The following TM9SF2 variants were observed in gnomAD, a reference collection of about 807,000 sequenced individuals.
The protein encoded by TM9SF2 is transmembrane 9 superfamily member 2.
A neutral mutation model predicts 84.9 loss-of-function variants in TM9SF2; 13 were observed. The ratio of observed to expected loss-of-function variants is 0.15; its 90% confidence interval spans 0.10 to 0.24. TM9SF2 has a LOEUF of 0.24. TM9SF2 is among the 10% of genes least tolerant of loss of function. The pLI is 1.00. For synonymous variants in TM9SF2, 273 were observed against 285.8 expected, an observed-to-expected ratio of 0.96 and a Z score of 0.45; for missense variants, 562 against 818.5, an observed-to-expected ratio of 0.69 and a Z score of 3.82.
intron 16 of TM9SF2, among the ~76,000 whole-genome samples, chr13:99,561,730 G>T (rs975057424): frequency 6.6e-6 from 1 of 152,170 alleles, no homozygotes; most frequent in African/African-American, 2.4e-5. Context: ...AAACAATGGT[G>T]AAAACTATTG....
At chr13:99,529,807 G>A (rs575638733) in intron 4 of TM9SF2, among the ~76,000 whole-genome samples, 40 of 152,194 alleles carry the variant, frequency 2.6e-4, no homozygotes, top group African/African-American at 8.9e-4. Flanking sequence ...TTAGATTACT[G>A]TAATATCTGG....
At chr13:99,551,311 T>C (rs1305858122) in intron 12 of TM9SF2, among the ~76,000 whole-genome samples, 1 of 152,216 alleles carries the variant, frequency 6.6e-6, no homozygotes, top group Non-Finnish European at 1.5e-5. Flanking sequence ...GGATGGAGAA[T>C]ACAGAAGCAG....
intron 5 of TM9SF2, among the ~76,000 whole-genome samples, chr13:99,537,188 T>C (rs1006447710): frequency 1.3e-5 from 2 of 152,156 alleles, no homozygotes; most frequent in African/African-American, 4.8e-5. Context: ...CTATAGAAGG[T>C]AATTAGAACT....
chr13:99,513,806 G>A (rs80244012), intron 1 of TM9SF2, among the ~76,000 whole-genome samples: 14,892 of 152,190 alleles, frequency 0.098, 872 homozygotes, highest in East Asian at 0.21. Context: ...TATCAGTGCC[G>A]TAAGTGAAAG....
chr13:99,547,816 C>T (rs142181054), intron 11 of TM9SF2, among the ~76,000 whole-genome samples: 143 of 152,254 alleles, frequency 9.4e-4, no homozygotes, highest in Non-Finnish European at 1.7e-3. Flanking sequence ...TGATTCCCCA[C>T]GGTCTAGCAA....
chr13:99,529,667 A>G, intron 4 of TM9SF2, 73 bp downstream of exon 4: 1 of 1,364,250 alleles, frequency 7.3e-7, no homozygotes, highest in Middle Eastern at 2.4e-4. Flanking sequence ...GACTATATAA[A>G]TTACTTGATT....
Position 99,543,545 on chromosome 13 carries a change from C to T in TM9SF2, c.1018-318C>T, listed in dbSNP as rs977628650. ...AAGAGGATAGAATGTGACTAAAAATCGTCATCAAGTCAGATCACAAAGCTT... is the reference window on the plus strand; with the variant it reads ...AAGAGGATAGAATGTGACTAAAAATTGTCATCAAGTCAGATCACAAAGCTT... On this transcript the variant is annotated intron_variant, in intron 9 of 16. Coordinates refer to ENST00000376387, the MANE Select transcript of TM9SF2 (RefSeq NM_004800.3). Among the ~76,000 whole-genome samples the T allele has an allele frequency of 3.3e-5, 5 of 152,150 alleles. No individual in the cohort carries two copies. In the East Asian group the frequency reaches 5.8e-4, roughly 18 times the overall value.
At chr13:99,562,025 A>G (rs916423327) in intron 16 of TM9SF2, among the ~76,000 whole-genome samples, 8 of 152,210 alleles carry the variant, frequency 5.3e-5, no homozygotes, top group Non-Finnish European at 1.0e-4. Flanking sequence ...ATAATAGTCT[A>G]TGGAGGCAAT....
intron 4 of TM9SF2, among the ~76,000 whole-genome samples, chr13:99,532,329 T>C (rs1234265495): frequency 6.6e-6 from 1 of 151,974 alleles, no homozygotes; most frequent in Non-Finnish European, 1.5e-5. Flanking sequence ...GGATTACAAG[T>C]GTGAGCCACC....
At chr13:99,515,426 A>G (rs1465980141) in intron 1 of TM9SF2, among the ~76,000 whole-genome samples, 1 of 152,234 alleles carries the variant, frequency 6.6e-6, no homozygotes. Context: ...CTACAATATC[A>G]TGTCCTATTA....
chr13:99,531,944 C>G (rs1308267867), intron 4 of TM9SF2, among the ~76,000 whole-genome samples: 1 of 152,048 alleles, frequency 6.6e-6, no homozygotes, highest in African/African-American at 2.4e-5. Flanking sequence ...ATATTTAAGC[C>G]TCAGTTCTTA....
rs114497074 is a variant in TM9SF2 at position 99,533,785 on chromosome 13, C to T, written c.462-2823C>T. ...GTGATTCTCCTGCCTCTGCCTCCACCTCCGCCTCCTGAGTAGCTGGGACTG... is the reference window on the plus strand; with the variant it reads ...GTGATTCTCCTGCCTCTGCCTCCACTTCCGCCTCCTGAGTAGCTGGGACTG... On this transcript the variant is annotated intron_variant, in intron 4 of 16. Transcript: ENST00000376387. 5.5e-3 allele frequency among the ~76,000 whole-genome samples: 841 copies of T among 152,238 alleles called. 12 individuals are homozygous for T. The highest frequency in any genetic ancestry group is 0.019 in the African/African-American group (796 of 41,540).
intron 12 of TM9SF2, among the ~76,000 whole-genome samples, chr13:99,549,997 A>G (rs1032368587): frequency 9.2e-5 from 14 of 152,128 alleles, no homozygotes; most frequent in South Asian, 2.1e-4. Context: ...TCAAATTTCT[A>G]TGCTTTTCTC....
chr13:99,535,670 G>A (rs528294652), intron 4 of TM9SF2, among the ~76,000 whole-genome samples: 88 of 152,268 alleles, frequency 5.8e-4, no homozygotes, highest in African/African-American at 1.9e-3. Context: ...TACACCTTGG[G>A]TGAATATAGA....
chr13:99,547,128 G>A, intron 11 of TM9SF2, 24 bp downstream of exon 11: 1 of 1,613,252 alleles, frequency 6.2e-7, no homozygotes, highest in Non-Finnish European at 8.5e-7. Context: ...ACTGTGACTG[G>A]CGTCTGATCA....
At chr13:99,516,254 T>C (rs2046134075) in intron 1 of TM9SF2, among the ~76,000 whole-genome samples, 1 of 152,198 alleles carries the variant, frequency 6.6e-6, no homozygotes, top group East Asian at 1.9e-4. Flanking sequence ...TTTGTTTTGA[T>C]TGTACACCAA....
At chr13:99,540,259 C>G (rs1373054742) in intron 7 of TM9SF2, among the ~76,000 whole-genome samples, 1 of 151,940 alleles carries the variant, frequency 6.6e-6, no homozygotes, top group Non-Finnish European at 1.5e-5. Context: ...TATAATGTTT[C>G]ATTTTGCAAA....
intron 1 of TM9SF2, among the ~76,000 whole-genome samples, chr13:99,508,445 C>CACACA (rs1566562106): frequency 7.9e-4 from 79 of 99,674 alleles, no homozygotes; most frequent in African/African-American, 3.0e-3. Flanking sequence ...ACACACACAC[C>CACACA]CCAGAGATTC....
intron 3 of TM9SF2, among the ~76,000 whole-genome samples, chr13:99,527,519 A>G (rs2046189015): frequency 6.6e-6 from 1 of 152,142 alleles, no homozygotes; most frequent in Admixed American, 6.5e-5. Context: ...GCCCCCCATG[A>G]TCTAATCACC....
Sources: allele counts gnomAD v4.1 joint callset (sites outside exome capture counted in the v4.1 genomes callset), GRCh38; gene constraint gnomAD v4.1.1; transcripts MANE v1.5; gene names NCBI Gene and HGNC (gene_info 2026-07-23, HGNC 2026-07-21).